The following SLC28A1 variants were observed in gnomAD, a reference collection of about 807,000 sequenced individuals.
The protein encoded by SLC28A1 is solute carrier family 28 member 1.
In SLC28A1, 64 loss-of-function variants were observed where a neutral mutation model predicts 74.8. That is an observed-to-expected ratio of 0.86 (90% CI 0.70 to 1.05). The LOEUF is 1.05. SLC28A1 is among the 50% of genes least tolerant of loss of function. The pLI, the probability that SLC28A1 is intolerant of heterozygous loss-of-function variation, is 0.00. For synonymous variants in SLC28A1, 359 were observed against 335.0 expected, an observed-to-expected ratio of 1.07 and a Z score of -0.78; for missense variants, 828 against 822.8, an observed-to-expected ratio of 1.01 and a Z score of -0.08.
intron 12 of SLC28A1, among the ~76,000 whole-genome samples, chr15:84,930,801 G>C (rs756106410): frequency 6.6e-6 from 1 of 150,834 alleles, no homozygotes; most frequent in Non-Finnish European, 1.5e-5. Context: ...ATGGAGTCTC[G>C]CACTATTGCC....
chr15:84,969,250 G>A, the SLC28A1 span, among the ~76,000 whole-genome samples: 1,594 of 152,274 alleles, frequency 0.01, 10 homozygotes, highest in Admixed American at 0.016. Flanking sequence ...GAATTGCTGA[G>A]GTTGCCACCA....
chr15:84,920,463 A>AAAGGGGAAGGGG (rs58546184), intron 10 of SLC28A1, among the ~76,000 whole-genome samples: 12,985 of 141,352 alleles, frequency 0.092, 1,340 homozygotes, highest in East Asian at 0.49. Flanking sequence ...AAAGGAAAGG[A>AAAGGGGAAGGGG]AAGGGGAAGG....
intron 6 of SLC28A1, among the ~76,000 whole-genome samples, chr15:84,896,832 A>G (rs2141700905): frequency 6.6e-6 from 1 of 152,340 alleles, no homozygotes; most frequent in African/African-American, 2.4e-5. Flanking sequence ...AATAATGATA[A>G]ACCTTGGGAA....
chr15:84,945,799 C>CT (rs71466066), downstream of SLC28A1: 138,808 of 153,878 alleles, frequency 0.9, 62,842 homozygotes, highest in African/African-American at 0.97. Context: ...GCTGTTTAGA[C>CT]TTTTGTTTGT....
At chr15:84,956,409 CCTTCCTTCCTTCCTTCTTTCT>C in the SLC28A1 span, among the ~76,000 whole-genome samples, 2 of 149,552 alleles carry the variant, frequency 1.3e-5, no homozygotes, top group Non-Finnish European at 3.0e-5. Context: ...TCTCTCCCTT[CCTTCCTTCCTTCCTTCTTTCT>C]CTTCCTTCCT....
At chr15:84,918,692 C>A in intron 10 of SLC28A1, 88 bp downstream of exon 10, 1 of 963,112 alleles carries the variant, frequency 1.0e-6, no homozygotes, top group Non-Finnish European at 1.7e-6. Context: ...GCTCCCAGAG[C>A]CCAAACCTCC....
At chr15:84,934,290 C>T (rs1377190062) in intron 13 of SLC28A1, among the ~76,000 whole-genome samples, 3 of 152,140 alleles carry the variant, frequency 2.0e-5, no homozygotes, top group Non-Finnish European at 2.9e-5. Flanking sequence ...TGGTCTGTGG[C>T]CTGGTGTGTG....
At position 84,895,104 on chromosome 15, in the gene SLC28A1, C is replaced by A; in HGVS notation, c.442C>A (p.Leu148Met). ...RFLKPQGHPRLLLWFKRGLAL... is the reference protein window; with the variant it reads ...RFLKPQGHPRMLLWFKRGLAL... ...TCTCAAGCCTCAGGGCCATCCCCGC[C>A]TGCTGCTCTGGTTTAAGAGGTGAGT... Residue 148 changes from leucine (L) to methionine (M), a missense_variant, in exon 6 of 19, where the codon CTG becomes ATG. By Grantham distance (15) the Leu-to-Met change is conservative. Coordinates refer to ENST00000394573, the MANE Select transcript of SLC28A1 (RefSeq NM_004213.5). The A allele has an allele frequency of 6.2e-7, 1 of 1,614,074 alleles. No homozygotes were observed.
At chr15:84,954,197 G>C in the SLC28A1 span, among the ~76,000 whole-genome samples, 1 of 152,286 alleles carries the variant, frequency 6.6e-6, no homozygotes, top group East Asian at 1.9e-4. Flanking sequence ...CTAGAAAATG[G>C]GATAGGGTGA....
At chr15:84,906,512 G>GTTTCTTTCTTTCTTTCTTTC (rs1465366428) in intron 8 of SLC28A1, among the ~76,000 whole-genome samples, 5 of 65,152 alleles carry the variant, frequency 7.7e-5, no homozygotes, top group African/African-American at 3.5e-4. Flanking sequence ...TTGTTTGTTT[G>GTTTCTTTCTTTCTTTCTTTC]TTTGTTTGTT....
intron 8 of SLC28A1, among the ~76,000 whole-genome samples, chr15:84,907,815 A>ATG (rs532821954): frequency 3.3e-5 from 5 of 152,272 alleles, no homozygotes; most frequent in African/African-American, 1.2e-4. Context: ...CGGTCCAGGA[A>ATG]TGTGCACACC....
the SLC28A1 span, among the ~76,000 whole-genome samples, chr15:84,960,030 A>G: frequency 3.3e-5 from 5 of 152,010 alleles, no homozygotes; most frequent in Non-Finnish European, 7.4e-5. Flanking sequence ...CTATAAATCT[A>G]TTTTCTGGGG....
At chr15:84,919,631 G>T (rs901479562) in intron 10 of SLC28A1, among the ~76,000 whole-genome samples, 1 of 152,080 alleles carries the variant, frequency 6.6e-6, no homozygotes, top group East Asian at 1.9e-4. Flanking sequence ...AGAGATCAGG[G>T]CCAAACTTAT....
At chr15:84,964,012 C>A in the SLC28A1 span, among the ~76,000 whole-genome samples, 1 of 152,122 alleles carries the variant, frequency 6.6e-6, no homozygotes, top group Non-Finnish European at 1.5e-5. Context: ...TCCCTCAGGA[C>A]CCAATGTGGC....
intron 5 of SLC28A1, among the ~76,000 whole-genome samples, chr15:84,893,963 T>C (rs1458507938): frequency 2.6e-5 from 4 of 152,248 alleles, no homozygotes; most frequent in Admixed American, 1.3e-4. Flanking sequence ...TGTTATTGCC[T>C]GTACCAGAGG....
In SLC28A1 at chr15:84,945,204, C is replaced by T. The variant is rs200315323; in HGVS notation, c.*4C>T. ...CCACACGATCTGTGCACAGTGAGGACAGAACATGCTTGTGCTTCTGCGCTT... is the reference window on the plus strand; with the variant it reads ...CCACACGATCTGTGCACAGTGAGGATAGAACATGCTTGTGCTTCTGCGCTT... On this transcript the variant is annotated 3_prime_UTR_variant, in exon 19 of 19. Coordinates refer to ENST00000394573, the MANE Select transcript of SLC28A1 (RefSeq NM_004213.5). 6.0e-5 allele frequency: 97 copies of T among 1,613,652 alleles called. 1 individual carries two copies. In the East Asian group the frequency reaches 2.1e-3, roughly 36 times the overall value.
At chr15:84,950,174 C>T (rs1454405049), downstream of SLC28A1, among the ~76,000 whole-genome samples, 1 of 152,110 alleles carries the variant, frequency 6.6e-6, no homozygotes, top group East Asian at 1.9e-4. Context: ...CCTGTCTCTG[C>T]TGGGCAAAAT....
intron 12 of SLC28A1, among the ~76,000 whole-genome samples, chr15:84,931,774 TG>T (rs745373856): frequency 6.7e-5 from 10 of 149,138 alleles, no homozygotes; most frequent in Non-Finnish European, 1.2e-4. Context: ...GAGGCCCAGG[TG>T]GGCAGATCAC....
rs371089626 is a variant in SLC28A1, at chr15:84,888,784, C to T, written c.109C>T (p.Leu37Phe). 1.9e-6 allele frequency: 3 copies of T among 1,553,418 alleles called. No homozygotes were observed. The highest frequency in any genetic ancestry group is 2.6e-6 in the Non-Finnish European group (3 of 1,148,088). The change falls in exon 4 of 19, where the codon CTC becomes TTC. Residue 37 changes from leucine to phenylalanine, a missense_variant. This residue lies in a region of SLC28A1 where 767 missense variants were observed against 753.5 expected (regional missense o/e 1.02). Coordinates refer to ENST00000394573, the MANE Select transcript of SLC28A1 (RefSeq NM_004213.5). ...DFLESLEEGQLPRSDLSPAEI... is the reference protein window; with the variant it reads ...DFLESLEEGQFPRSDLSPAEI... Reference sequence around the variant, plus strand: ...CTGCGGGCTGTAGGAGGAAGGCCAGCTCCCTAGGAGTGACTTGAGCCCCGC... The same window carrying T: ...CTGCGGGCTGTAGGAGGAAGGCCAGTTCCCTAGGAGTGACTTGAGCCCCGC...
Sources: allele counts gnomAD v4.1 joint callset (sites outside exome capture counted in the v4.1 genomes callset), GRCh38; gene constraint gnomAD v4.1.1; regional missense constraint gnomAD v4.1.1; transcripts MANE v1.5; gene names NCBI Gene and HGNC (gene_info 2026-07-23, HGNC 2026-07-21).